MACROD2: variants seen among roughly 807,000 people sequenced by gnomAD.
MACROD2 encodes the protein ADP-ribose glycohydrolase MACROD2.
Under a neutral mutation model 70.4 loss-of-function variants are expected in MACROD2, and 36 were observed. That is an observed-to-expected ratio of 0.51 (90% CI 0.39 to 0.68). The LOEUF (loss-of-function observed/expected upper bound fraction) is 0.68, where lower values mean the gene tolerates loss of function less well. Ranked by LOEUF, MACROD2 falls within the 30% of genes least tolerant of loss-of-function variation. The pLI is 0.00. For synonymous variants in MACROD2, 172 were observed against 178.8 expected (o/e 0.96, Z 0.30); for missense variants, 496 against 538.4 (o/e 0.92, Z 0.78).
intron 5 of MACROD2, among the ~76,000 whole-genome samples, chr20:14,699,397 A>G (rs2071166052): frequency 6.6e-6 from 1 of 152,156 alleles, no homozygotes; most frequent in Admixed American, 6.6e-5. Context: ...TTCAGATTTT[A>G]TGGGAAATAA....
intron 8 of MACROD2, among the ~76,000 whole-genome samples, chr20:15,848,632 T>A (rs2064261837): frequency 1.3e-5 from 2 of 152,154 alleles, no homozygotes; most frequent in Non-Finnish European, 2.9e-5. Context: ...TGAGTTCAAT[T>A]TTCAAAATAT....
intron 3 of MACROD2, among the ~76,000 whole-genome samples, chr20:14,359,630 TG>T (rs908885722): frequency 6.6e-6 from 1 of 152,134 alleles, no homozygotes; most frequent in Non-Finnish European, 1.5e-5. Context: ...CCCAATACTT[TG>T]GGAGGTCAAG....
At chr20:14,349,377 A>G (rs2122688765) in intron 3 of MACROD2, among the ~76,000 whole-genome samples, 1 of 151,204 alleles carries the variant, frequency 6.6e-6, no homozygotes, top group South Asian at 2.1e-4. Context: ...CATCCCTTCA[A>G]GCATTTGTCC....
chr20:15,229,866 A>T (rs1276465977), intron 5 of MACROD2, 74 bp from the exon 6 acceptor site: 2 of 1,400,358 alleles, frequency 1.4e-6, no homozygotes, highest in East Asian at 5.2e-5. Context: ...CCTAAAATAA[A>T]TAAAGTATTA....
intron 3 of MACROD2, among the ~76,000 whole-genome samples, chr20:14,447,339 T>C (rs1366177322): frequency 2.0e-5 from 3 of 152,082 alleles, no homozygotes; most frequent in South Asian, 2.1e-4. Flanking sequence ...TCAAAGGAAA[T>C]GTTCAACTAA....
chr20:15,931,708 A>G lies in MACROD2; in HGVS notation c.776-1568A>G, dbSNP rs566231686. ...ACAAACGGCACAGGGCTAACCCAAC[A>G]CAGGGGGTCCTGTACGTATATTTAT... On this transcript the variant is annotated intron_variant, in intron 10 of 17. Coordinates refer to ENST00000684519, the MANE Select transcript of MACROD2 (RefSeq NM_001351661.2). 3.2e-3 allele frequency among the ~76,000 whole-genome samples: 489 copies of G among 152,008 alleles called. 10 individuals carry two copies. Among genetic ancestry groups the G allele is most frequent in the Non-Finnish European group, 1.8e-3 (120 of 68,000 alleles).
intron 3 of MACROD2, among the ~76,000 whole-genome samples, chr20:14,309,261 A>G (rs989219500): frequency 6.6e-6 from 1 of 152,304 alleles, no homozygotes; most frequent in Non-Finnish European, 1.5e-5. Context: ...TGGCCTTACT[A>G]TAATATTCGA....
At chr20:15,934,997 T>C (rs1268301969) in intron 11 of MACROD2, among the ~76,000 whole-genome samples, 1 of 98,722 alleles carries the variant, frequency 1.0e-5, no homozygotes, top group Non-Finnish European at 2.1e-5. Context: ...GCCCAAAGTG[T>C]CCTTATCGAA....
intron 6 of MACROD2, among the ~76,000 whole-genome samples, chr20:15,255,219 C>G (rs1237863045): frequency 6.6e-6 from 1 of 151,990 alleles, no homozygotes; most frequent in Non-Finnish European, 1.5e-5. Flanking sequence ...ATCCTGTACT[C>G]TCTAATGTAA....
Position 15,605,815 on chromosome 20 carries a change from G to A in MACROD2, c.645+105968G>A, listed in dbSNP as rs904044730. ...GTGAAACTCACTTTCCATCATGTCC[G>A]CTAAAACCATTCCCTACTTCTTACA... On this transcript the variant is annotated intron_variant, in intron 8 of 17. Transcript: ENST00000684519. Among the ~76,000 whole-genome samples the A allele has an allele frequency of 5.9e-5, 9 of 152,036 alleles. No individual in the cohort carries two copies. In the East Asian group the frequency reaches 7.7e-4, roughly 13 times the overall value.
chr20:14,848,545 A>G (rs1283715052), intron 5 of MACROD2, among the ~76,000 whole-genome samples: 1 of 152,096 alleles, frequency 6.6e-6, no homozygotes, highest in Non-Finnish European at 1.5e-5. Context: ...CAAGTGCATG[A>G]CAAGTAAAAA....
At chr20:15,576,988 G>A (rs967231472) in intron 8 of MACROD2, among the ~76,000 whole-genome samples, 1 of 152,054 alleles carries the variant, frequency 6.6e-6, no homozygotes, top group African/African-American at 2.4e-5. Context: ...CATCTGAAGG[G>A]AAACACTTCA....
Position 14,149,047 on chromosome 20 carries a change from A to G in MACROD2, c.271+63319A>G, listed in dbSNP as rs116583884. 3.9e-3 allele frequency among the ~76,000 whole-genome samples: 592 copies of G among 152,012 alleles called. 8 individuals carry two copies. Among genetic ancestry groups the G allele is most frequent in the African/African-American group, 0.013 (559 of 41,476 alleles). ...TACCTAGCTCCTGTTTCAGTCACCAAGGTTTGGGGTGCAACTGATTCTGTC... is the reference window on the plus strand; with the variant it reads ...TACCTAGCTCCTGTTTCAGTCACCAGGGTTTGGGGTGCAACTGATTCTGTC... On this transcript the variant is annotated intron_variant, in intron 3 of 17. Coordinates refer to ENST00000684519, the MANE Select transcript of MACROD2 (RefSeq NM_001351661.2).
intron 5 of MACROD2, among the ~76,000 whole-genome samples, chr20:14,997,602 A>T (rs1216623000): frequency 6.6e-6 from 1 of 152,190 alleles, no homozygotes; most frequent in Non-Finnish European, 1.5e-5. Context: ...CATGATGTAG[A>T]TTCCTAAAGT....
intron 13 of MACROD2, among the ~76,000 whole-genome samples, chr20:15,979,146 A>G (rs2066356736): frequency 2.0e-5 from 3 of 152,212 alleles, no homozygotes; most frequent in Admixed American, 2.0e-4. Flanking sequence ...ATGAGGGGTT[A>G]TATAAGTCAG....
chr20:14,981,030 G>GTA (rs1323871939), intron 5 of MACROD2, among the ~76,000 whole-genome samples: 1 of 145,352 alleles, frequency 6.9e-6, no homozygotes, highest in African/African-American at 2.5e-5. Context: ...AAGTGTGTGT[G>GTA]TGTGTGTGTG....
intron 6 of MACROD2, among the ~76,000 whole-genome samples, chr20:15,277,582 C>G (rs2077404815): frequency 6.6e-6 from 1 of 152,152 alleles, no homozygotes. Flanking sequence ...TAGGCTGGGG[C>G]CTGAGATCCT....
rs574875931 is a variant in MACROD2, at chr20:14,838,593, T to C, written c.418+153634T>C. ...GTTAATGCAGATTAAATAGCATAAATTTACTTTTATCTCTTTTTAAAAAAA... is the reference window on the plus strand; with the variant it reads ...GTTAATGCAGATTAAATAGCATAAACTTACTTTTATCTCTTTTTAAAAAAA... On this transcript the variant is annotated intron_variant, in intron 5 of 17. Transcript: ENST00000684519. 3.9e-5 allele frequency among the ~76,000 whole-genome samples: 6 copies of C among 152,134 alleles called. No homozygotes were observed. The South Asian group carries it at 1.2e-3, about 32-fold the overall frequency.
At chr20:14,112,837 CT>C (rs1255181973) in intron 3 of MACROD2, among the ~76,000 whole-genome samples, 1 of 151,766 alleles carries the variant, frequency 6.6e-6, no homozygotes, top group East Asian at 1.9e-4. Context: ...AGTAAAATAG[CT>C]TATCAGTAGA....
Sources: allele counts gnomAD v4.1 joint callset (sites outside exome capture counted in the v4.1 genomes callset), GRCh38; gene constraint gnomAD v4.1.1; transcripts MANE v1.5; gene names NCBI Gene and HGNC (gene_info 2026-07-23, HGNC 2026-07-21).